The following DAPK1 variants were observed in gnomAD, a reference collection of about 807,000 sequenced individuals.
The protein encoded by DAPK1 is death associated protein kinase 1.
In DAPK1, 56 loss-of-function variants were observed where a neutral mutation model predicts 144.9. The observed-to-expected ratio is 0.39, with a 90% CI of 0.31 to 0.48. The LOEUF (loss-of-function observed/expected upper bound fraction) is 0.48, where lower values mean the gene tolerates loss of function less well. DAPK1 is among the 20% of genes least tolerant of loss of function. The pLI is 0.95. For missense variants in DAPK1, 1,454 were observed against 1,875.4 expected (o/e 0.78, Z 4.15); for synonymous variants, 690 against 749.0 (o/e 0.92, Z 1.29).
chr9:87,553,827 G>A (rs1826592865), intron 2 of DAPK1: 1 of 152,218 alleles, frequency 6.6e-6, no homozygotes, highest in Admixed American at 6.5e-5. Flanking sequence ...CCACAGATGA[G>A]GGCAATAAGG....
chr9:87,525,990 T>C (rs1825493192), intron 2 of DAPK1, among the ~76,000 whole-genome samples: 1 of 151,760 alleles, frequency 6.6e-6, no homozygotes, highest in African/African-American at 2.4e-5. Context: ...TGATTTCTAC[T>C]AGATTTTTTG....
chr9:87,640,254 AG>A, intron 7 of DAPK1, 43 bp from the exon 8 acceptor site: 2 of 1,578,218 alleles, frequency 1.3e-6, no homozygotes, highest in Non-Finnish European at 8.6e-7. Flanking sequence ...GACAACACCA[AG>A]GGGTCATCAT....
chr9:87,635,980 T>C (rs999919425), intron 3 of DAPK1, among the ~76,000 whole-genome samples: 1 of 151,816 alleles, frequency 6.6e-6, no homozygotes. Flanking sequence ...AATCTCCCAC[T>C]TTTTCCCCCC....
rs149009155 is a variant in DAPK1, at chr9:87,577,912, C to G, written c.63-27042C>G. Among the ~76,000 whole-genome samples the G allele has an allele frequency of 3.7e-3, 556 of 152,302 alleles. 3 individuals carry two copies. Among genetic ancestry groups the G allele is most frequent in the African/African-American group, 0.011 (475 of 41,554 alleles). On this transcript the variant is annotated intron_variant, in intron 2 of 25. Transcript: ENST00000408954. ...TTCTCTCCCTTTCCCCTCCCCTCTT[C>G]CTAGGGTTGGGGATTGGAACTGGAG...
intron 17 of DAPK1, among the ~76,000 whole-genome samples, chr9:87,654,386 A>G (rs2092374021): frequency 6.6e-6 from 1 of 152,228 alleles, no homozygotes. Context: ...GGATTCTAGT[A>G]TGGTTTGTTG....
At chr9:87,650,229 C>A in intron 16 of DAPK1, 111 bp downstream of exon 16, 1 of 984,314 alleles carries the variant, frequency 1.0e-6, no homozygotes, top group Non-Finnish European at 1.6e-6. Context: ...ATGCAGCAAA[C>A]TGTAATTACC....
At chr9:87,498,870 A>G (rs966128314) in intron 1 of DAPK1, 100 bp from the exon 2 acceptor site, 1 of 521,622 alleles carries the variant, frequency 1.9e-6, no homozygotes, top group African/African-American at 1.9e-5. Flanking sequence ...AGCTCCGGAG[A>G]CCCGGTCTTC....
chr9:87,647,304 G>C lies in DAPK1; in HGVS notation c.1231-1G>C, dbSNP rs1830300646. On this transcript the variant is annotated splice_acceptor_variant, in intron 13 of 25. Coordinates refer to ENST00000408954, the MANE Select transcript of DAPK1 (RefSeq NM_004938.4). LOFTEE classifies it high-confidence loss of function. Reference sequence around the variant, plus strand: ...GTGACCCCAGGTTGATTTTCCTGCAGGGCGGGTCCAATGCCGTCTACTGGG... The same window carrying C: ...GTGACCCCAGGTTGATTTTCCTGCACGGCGGGTCCAATGCCGTCTACTGGG... 6.2e-7 allele frequency: 1 copy of C among 1,613,864 alleles called. No individual in the cohort carries two copies. Among genetic ancestry groups the C allele is most frequent in the Non-Finnish European group, 8.5e-7 (1 of 1,179,908 alleles).
At chr9:87,578,553 G>T (rs1195078692) in intron 2 of DAPK1, among the ~76,000 whole-genome samples, 1 of 152,198 alleles carries the variant, frequency 6.6e-6, no homozygotes, top group Admixed American at 6.5e-5. Context: ...CTCGTTACAT[G>T]GAGCTAAATT....
At chr9:87,506,095 T>C (rs1824579931) in intron 2 of DAPK1, among the ~76,000 whole-genome samples, 1 of 152,230 alleles carries the variant, frequency 6.6e-6, no homozygotes, top group Non-Finnish European at 1.5e-5. Flanking sequence ...GGCAGCTGAT[T>C]AAAAGGTGGC....
At chr9:87,542,433 C>T (rs1207190499) in intron 2 of DAPK1, among the ~76,000 whole-genome samples, 2 of 152,198 alleles carry the variant, frequency 1.3e-5, no homozygotes, top group Non-Finnish European at 2.9e-5. Context: ...GTGAGCCAGG[C>T]ATCCCTGACC....
rs36215723 is a variant in DAPK1, at chr9:87,664,528, C to G, written c.1924-4069C>G. On this transcript the variant is annotated intron_variant, in intron 18 of 25. Coordinates refer to ENST00000408954, the MANE Select transcript of DAPK1 (RefSeq NM_004938.4). ...AACATTCACCTCCAGCCCAGGAAACCTCCTCTGTTCCAGCCTCTCCGGTGT... is the reference window on the plus strand; with the variant it reads ...AACATTCACCTCCAGCCCAGGAAACGTCCTCTGTTCCAGCCTCTCCGGTGT... 2.9e-4 allele frequency among the ~76,000 whole-genome samples: 44 copies of G among 152,314 alleles called. No homozygotes were observed. The East Asian group carries it at 7.1e-3, about 25-fold the overall frequency.
Position 87,636,284 on chromosome 9 carries a change from G to A in DAPK1, c.285-1659G>A, listed in dbSNP as rs148484787. ...CCCAGGCCCTGCTGTGTCCCCTGGAGGATAGGGGAGGCCTGTGGACTGCTC... is the reference window on the plus strand; with the variant it reads ...CCCAGGCCCTGCTGTGTCCCCTGGAAGATAGGGGAGGCCTGTGGACTGCTC... On this transcript the variant is annotated intron_variant, in intron 3 of 25. Coordinates refer to ENST00000408954, the MANE Select transcript of DAPK1 (RefSeq NM_004938.4). Among the ~76,000 whole-genome samples, 1,425 of 152,296 alleles carry A rather than the reference G, an allele frequency of 9.4e-3. 11 individuals are homozygous for A. Among genetic ancestry groups the A allele is most frequent in the Non-Finnish European group, 0.017 (1,128 of 68,018 alleles).
chr9:87,680,462 T>C (rs960969797), intron 19 of DAPK1, among the ~76,000 whole-genome samples: 1 of 152,188 alleles, frequency 6.6e-6, no homozygotes, highest in Admixed American at 6.5e-5. Flanking sequence ...CCAAAAGTGA[T>C]GGTAGATATT....
chr9:87,573,592 A>G (rs1558890), intron 2 of DAPK1, among the ~76,000 whole-genome samples: 42,480 of 152,068 alleles, frequency 0.28, 6,311 homozygotes, highest in East Asian at 0.49. Context: ...GTGCTGTGCC[A>G]CCTCTTCCTG....
intron 4 of DAPK1, among the ~76,000 whole-genome samples, chr9:87,638,634 G>A (rs36211345): frequency 6.6e-6 from 1 of 152,326 alleles, no homozygotes; most frequent in Non-Finnish European, 1.5e-5. Context: ...AATAGGAAGT[G>A]GCAATGGTGG....
chr9:87,578,295 C>T lies in DAPK1; in HGVS notation c.63-26659C>T, dbSNP rs140173600. The stretch of plus-strand genomic sequence containing the variant: ...TAGTTGCATAGCTTGCATTTTTAAC[C>T]GAATATTACATTATGATAATGCATG... On this transcript the variant is annotated intron_variant, in intron 2 of 25. Coordinates refer to ENST00000408954, the MANE Select transcript of DAPK1 (RefSeq NM_004938.4). Among the ~76,000 whole-genome samples the T allele has an allele frequency of 2.2e-3, 335 of 152,140 alleles. 2 individuals are homozygous for T. The highest frequency in any genetic ancestry group is 7.6e-3 in the African/African-American group (316 of 41,510).
chr9:87,683,150 T>G (rs1824705566), intron 20 of DAPK1, among the ~76,000 whole-genome samples: 1 of 151,182 alleles, frequency 6.6e-6, no homozygotes, highest in Admixed American at 6.6e-5. Flanking sequence ...TGGTGTGATC[T>G]CGGCTCACTG....
chr9:87,602,967 T>C (rs945327967), intron 2 of DAPK1, among the ~76,000 whole-genome samples: 5 of 151,450 alleles, frequency 3.3e-5, no homozygotes, highest in Middle Eastern at 3.2e-3. Flanking sequence ...AGTTTTGAAT[T>C]TTAAAGCACC....
Sources: gnomAD v4.1 joint callset for allele counts (sites outside exome capture counted in the v4.1 genomes callset) on GRCh38, gnomAD v4.1.1 for gene constraint, MANE v1.5 for transcripts, NCBI Gene and HGNC (gene_info 2026-07-23, HGNC 2026-07-21) for gene names.